Variants in ANGEL1 observed in about 807,000 individuals in gnomAD.
ANGEL1 encodes angel homolog 1, also known as RNA 2',3'-cyclic phosphatase ANGEL1.
In ANGEL1, 62 loss-of-function variants were observed where a neutral mutation model predicts 76.4. That is an observed-to-expected ratio of 0.81 (90% CI 0.66 to 1.00). ANGEL1 has a LOEUF of 1.00. Ranked by LOEUF, ANGEL1 falls within the 50% of genes least tolerant of loss-of-function variation. ANGEL1 has a pLI of 0.00. For missense variants in ANGEL1, 737 were observed against 836.7 expected, an observed-to-expected ratio of 0.88 and a Z score of 1.47; for synonymous variants, 340 against 331.7, an observed-to-expected ratio of 1.03 and a Z score of -0.27.
At chr14:76,793,425 GGGAGGA>G (rs149307840) in intron 7 of ANGEL1, among the ~76,000 whole-genome samples, 5 of 82,274 alleles carry the variant, frequency 6.1e-5, no homozygotes, top group African/African-American at 1.8e-4. Context: ...AAGAGGAGAG[GGGAGGA>G]GGAGGAGGAG....
chr14:76,807,333 G>T, intron 4 of ANGEL1, 100 bp downstream of exon 4: 1 of 1,217,400 alleles, frequency 8.2e-7, no homozygotes, highest in South Asian at 1.3e-5. Context: ...AGGTGAAACT[G>T]AGGGTTTACT....
Position 76,803,456 on chromosome 14 carries a change from G to T in ANGEL1, c.1533C>A (p.Phe511Leu), listed in dbSNP as rs777286950. Residue 511 changes from phenylalanine to leucine, a missense_variant, in exon 7 of 10, where the codon TTC (phenylalanine) becomes TTA (leucine). Transcript: ENST00000251089. ...RSERRKYGRD[F>L]LLRFRFCSIA... ...TGCTGCAGAAGCGGAAACGTAGCAG[G>T]AAGTCTCGGCCATACTTGCGTCTCT... The T allele has an allele frequency of 1.9e-6, 3 of 1,614,206 alleles. No individual in the cohort carries two copies. The East Asian group carries it at 6.7e-5, about 36-fold the overall frequency.
rs1449149851 is a variant in ANGEL1, at chr14:76,786,067, A to G, written c.*3161T>C. The G allele has an allele frequency of 1.3e-5, 2 of 152,236 alleles. No individual in the cohort carries two copies. The highest frequency in any genetic ancestry group is 4.8e-5 in the African/African-American group (2 of 41,454). The allele number at this position is 152,236 out of a possible 1,614,324, so 9.4% of individuals were successfully genotyped here. On this transcript the variant is annotated 3_prime_UTR_variant, in exon 10 of 10. Transcript: ENST00000251089. ...CCAAGGAATGTGAACTGAAATACAG[A>G]GAGGTTAAGTAACTTACCTACAGTC...
At chr14:76,791,253 G>A (rs773779793) in intron 8 of ANGEL1, 44 bp downstream of exon 8, 2 of 1,604,556 alleles carry the variant, frequency 1.2e-6, no homozygotes, top group Non-Finnish European at 8.5e-7. Flanking sequence ...CTTACACCTA[G>A]GCAAGGGCTG....
chr14:76,801,364 G>A (rs1894759743), intron 7 of ANGEL1, among the ~76,000 whole-genome samples: 1 of 152,042 alleles, frequency 6.6e-6, no homozygotes, highest in South Asian at 2.1e-4. Context: ...CTTCTGCCTT[G>A]GTCTCCCAAG....
chr14:76,808,688 G>A (rs1894994978), intron 2 of ANGEL1, among the ~76,000 whole-genome samples: 1 of 152,164 alleles, frequency 6.6e-6, no homozygotes, highest in African/African-American at 2.4e-5. Flanking sequence ...TGAGGTAATT[G>A]TGACTGAGAC....
Position 76,787,675 on chromosome 14 carries a change from A to G in ANGEL1, c.*1553T>C, listed in dbSNP as rs569688037. ...AACTGGGTCTTTGGCTTTCAAAAAAAGGAAAGAACCTTAACCCCTGGCTTA... is the reference window on the plus strand; with the variant it reads ...AACTGGGTCTTTGGCTTTCAAAAAAGGGAAAGAACCTTAACCCCTGGCTTA... On this transcript the variant is annotated 3_prime_UTR_variant, in exon 10 of 10. Transcript: ENST00000251089. 6.5e-6 allele frequency: 1 copy of G among 152,730 alleles called. No individual in the cohort carries two copies. Among genetic ancestry groups the G allele is most frequent in the African/African-American group, 2.4e-5 (1 of 41,604 alleles). 9.5% of individuals were successfully genotyped at this position (152,730 alleles called of 1,614,324 possible). A position where few individuals can be genotyped will look rare whatever the true frequency, so the allele number is the denominator to read the frequency against.
rs1595309250 is a variant in ANGEL1, at chr14:76,809,113, G to T, written c.595C>A (p.Pro199Thr). ...TGCAACTGCCCCAGGCCCTCAAAGG[G>T]CCAGATGGAAGCCTCTTCCTGGGGC... ...PVPQEEASIW[P>T]FEGLGQLQPP... The change falls in exon 2 of 10, where the codon CCC (proline) becomes ACC (threonine). Residue 199 changes from proline to threonine, a missense_variant. Pro to Thr is a conservative substitution (Grantham distance 38). Around this residue, in one of 2 missense-constraint regions of ANGEL1, gnomAD observed 441 missense variants for 449.5 expected, o/e 0.98. Coordinates refer to ENST00000251089, the MANE Select transcript of ANGEL1 (RefSeq NM_015305.4). 1.2e-6 allele frequency: 2 copies of T among 1,614,162 alleles called. No individual in the cohort carries two copies. Among genetic ancestry groups the T allele is most frequent in the Admixed American group, 3.3e-5 (2 of 60,030 alleles).
chr14:76,795,709 G>A (rs959357357), intron 7 of ANGEL1, among the ~76,000 whole-genome samples: 1 of 152,040 alleles, frequency 6.6e-6, no homozygotes, highest in Non-Finnish European at 1.5e-5. Flanking sequence ...CAATCTCCAT[G>A]GGAATCAGTT....
chr14:76,806,410 T>C lies in ANGEL1; in HGVS notation c.1380+6A>G, dbSNP rs781180574. 1.2e-6 allele frequency: 2 copies of C among 1,607,672 alleles called. No homozygotes were observed. Among genetic ancestry groups the C allele is most frequent in the South Asian group, 2.2e-5 (2 of 90,586 alleles). Reference sequence around the variant, plus strand: ...CCCACCCACACCGTGGCCTCTCCCATTTCACCTTCCAGGCTGGCATCCCAT... The same window carrying C: ...CCCACCCACACCGTGGCCTCTCCCACTTCACCTTCCAGGCTGGCATCCCAT... On this transcript the variant is annotated splice_donor_region_variant and intron_variant, in intron 5 of 9. Coordinates refer to ENST00000251089, the MANE Select transcript of ANGEL1 (RefSeq NM_015305.4).
intron 7 of ANGEL1, among the ~76,000 whole-genome samples, chr14:76,802,467 A>G (rs970700771): frequency 2.0e-5 from 3 of 152,170 alleles, no homozygotes; most frequent in Non-Finnish European, 2.9e-5. Context: ...TTTTTGACAC[A>G]GGGTTATGTC....
chr14:76,795,313 A>G, intron 7 of ANGEL1, among the ~76,000 whole-genome samples: 1 of 152,278 alleles, frequency 6.6e-6, no homozygotes, highest in Admixed American at 6.5e-5. Flanking sequence ...AGATATCCCA[A>G]TATTGAACTA....
chr14:76,792,147 A>G (rs372280249), intron 7 of ANGEL1, among the ~76,000 whole-genome samples: 3 of 152,246 alleles, frequency 2.0e-5, no homozygotes, highest in African/African-American at 7.2e-5. Flanking sequence ...AACAAATTGG[A>G]TAACTTATAT....
In ANGEL1 at chr14:76,811,351, G is replaced by T. The variant is rs542605209; in HGVS notation, c.64+1413C>A. ...CCTCTGTGTATACCAGATGGCAGAG[G>T]TTCTTTGGTTCATATGCACGAAGTT... On this transcript the variant is annotated intron_variant, in intron 1 of 9. Transcript: ENST00000251089. Among the ~76,000 whole-genome samples, 3 of 152,318 alleles carry T rather than the reference G, an allele frequency of 2.0e-5. No homozygotes were observed. The East Asian group carries it at 5.8e-4, about 29-fold the overall frequency.
At chr14:76,808,252 C>T in intron 2 of ANGEL1, 104 bp from the exon 3 acceptor site, 1 of 935,966 alleles carries the variant, frequency 1.1e-6, no homozygotes, top group Middle Eastern at 3.2e-4. Flanking sequence ...GTTCCTTTTT[C>T]CATCTTCCCT....
chr14:76,792,180 G>A (rs1894425482), intron 7 of ANGEL1, among the ~76,000 whole-genome samples: 1 of 152,106 alleles, frequency 6.6e-6, no homozygotes, highest in Admixed American at 6.5e-5. Context: ...TTCCTAGAAA[G>A]ACACAAACTA....
intron 7 of ANGEL1, among the ~76,000 whole-genome samples, chr14:76,794,170 C>T (rs1427364465): frequency 1.3e-5 from 2 of 152,016 alleles, no homozygotes; most frequent in Non-Finnish European, 2.9e-5. Context: ...TGTAAGGTTT[C>T]GTTTGTGGGT....
rs142974371 is a variant in ANGEL1, at chr14:76,809,326, G to A, written c.382C>T (p.Pro128Ser). The A allele has an allele frequency of 6.2e-7, 1 of 1,614,210 alleles. No individual in the cohort carries two copies. Reference protein sequence around the residue: ...RAAENLDEPFPEMLGEEPLLE... With the variant: ...RAAENLDEPFSEMLGEEPLLE... ...AGTGGCTCCTCTCCTAGCATCTCAG[G>A]GAAAGGCTCATCCAGGTTCTCTGCA... The change falls in exon 2 of 10, where the codon CCT becomes TCT. Residue 128 changes from proline to serine, a missense_variant. Pro to Ser is a moderately conservative substitution (Grantham distance 74). This residue lies in a region of ANGEL1 where 441 missense variants were observed against 449.5 expected (regional missense o/e 0.98). Transcript: ENST00000251089.
At chr14:76,789,519 C>T (rs946025783) in intron 9 of ANGEL1, 131 bp from the exon 10 acceptor site, 6 of 963,522 alleles carry the variant, frequency 6.2e-6, no homozygotes, top group Non-Finnish European at 9.2e-6. Context: ...CCCTCACCTC[C>T]TCTTGCAGCA....
Sources: gnomAD v4.1 joint callset for allele counts (sites outside exome capture counted in the v4.1 genomes callset) on GRCh38, gnomAD v4.1.1 for gene constraint, gnomAD v4.1.1 regional missense constraint, MANE v1.5 for transcripts, NCBI Gene and HGNC (gene_info 2026-07-23, HGNC 2026-07-21) for gene names.